Variants in FAT2 observed in about 807,000 individuals in gnomAD.
The protein encoded by FAT2 is protocadherin Fat 2.
A neutral mutation model predicts 295.3 loss-of-function variants in FAT2; 150 were observed. That is an observed-to-expected ratio of 0.51 (90% CI 0.44 to 0.58). The LOEUF (loss-of-function observed/expected upper bound fraction) is 0.58. Ranked by LOEUF, FAT2 falls within the 20% of genes least tolerant of loss-of-function variation. FAT2 has a pLI of 0.00. For synonymous variants in FAT2, 2,026 were observed against 2,150.3 expected (o/e 0.94, Z 1.60); for missense variants, 4,868 against 5,442.7 (o/e 0.89, Z 3.32).
chr5:151,504,917 G>A lies in FAT2; in HGVS notation c.*648C>T, dbSNP rs997775141. 6.5e-6 allele frequency: 1 copy of A among 152,750 alleles called. No homozygotes were observed. Among genetic ancestry groups the A allele is most frequent in the Non-Finnish European group, 1.5e-5 (1 of 68,364 alleles). 9.5% of individuals were successfully genotyped at this position (152,750 alleles called of 1,614,324 possible). On this transcript the variant is annotated 3_prime_UTR_variant, in exon 24 of 24. Coordinates refer to ENST00000261800, the MANE Select transcript of FAT2 (RefSeq NM_001447.3). ...GACCTCTGGGGCCCGAGGCCTGGTG[G>A]TGCTCCTCGGAGTCCTTGTTGCCCT...
Position 151,556,149 on chromosome 5 carries a change from C to T in FAT2, c.3633+195G>A. ...CAATGGTGCCTACCCAGCCTGGGCA[C>T]AGTTTCAGACTCCTTCCCTTCTCAG... On this transcript the variant is annotated intron_variant, in intron 4 of 23. Transcript: ENST00000261800. The T allele has an allele frequency of 5.0e-6, 3 of 596,456 alleles. No homozygotes were observed. The South Asian group carries it at 5.8e-5, about 12-fold the overall frequency. 36.9% of individuals were successfully genotyped at this position (596,456 alleles called of 1,614,324 possible).
chr5:151,584,678 G>A (rs573254619), intron 1 of FAT2, among the ~76,000 whole-genome samples: 1 of 152,274 alleles, frequency 6.6e-6, no homozygotes, highest in South Asian at 2.1e-4. Flanking sequence ...ACCCACAAAG[G>A]CAGGTACTAT....
chr5:151,543,939 G>T lies in FAT2; in HGVS notation c.7188C>A (p.His2396Gln), dbSNP rs1452588997. The change falls in exon 10 of 24, where the codon CAC becomes CAA. Residue 2396 changes from histidine to glutamine, a missense_variant. This residue lies in a region of FAT2 where 3,297 missense variants were observed against 3,669.4 expected (regional missense o/e 0.90). Transcript: ENST00000261800. ...CAATAGCCTGGACTTTAAGAACCAG[G>T]TGTCCACAGGTTGCCAGTTCACTGA... ...ANVSELATCGHLVLKVQAIDP... is the reference protein window; with the variant it reads ...ANVSELATCGQLVLKVQAIDP... 1.2e-6 allele frequency: 2 copies of T among 1,614,054 alleles called. No individual in the cohort carries two copies. The highest frequency in any genetic ancestry group is 1.7e-6 in the Non-Finnish European group (2 of 1,180,048).
At chr5:151,548,148 A>T (rs781776485) in intron 9 of FAT2, among the ~76,000 whole-genome samples, 3 of 152,184 alleles carry the variant, frequency 2.0e-5, no homozygotes, top group Admixed American at 6.5e-5. Flanking sequence ...CAAAAAGAAA[A>T]GGTAAAGCTA....
intron 3 of FAT2, among the ~76,000 whole-genome samples, chr5:151,562,615 G>T (rs897318157): frequency 1.3e-5 from 2 of 152,176 alleles, no homozygotes; most frequent in Non-Finnish European, 1.5e-5. Context: ...AGACAATGTG[G>T]CCAGATCCTT....
rs2127606233 is a variant in FAT2, at chr5:151,542,838, G to A, written c.8289C>T (p.Tyr2763=). ...KPMDHESTKL[Y]QIDVMAHCLQ... is the part of the protein sequence containing the mutation. The stretch of plus-strand genomic sequence containing the variant: ...GGCAATGTGCCATCACATCAATCTG[G>A]TACAATTTGGTGGATTCGTGGTCCA... Residue 2763 remains tyrosine (Y), a synonymous_variant, in exon 10 of 24, where the codon TAC becomes TAT. Coordinates refer to ENST00000261800, the MANE Select transcript of FAT2 (RefSeq NM_001447.3). 2 of 1,614,184 alleles carry A rather than the reference G, an allele frequency of 1.2e-6. No individual in the cohort carries two copies. The highest frequency in any genetic ancestry group is 1.3e-5 in the African/African-American group (1 of 75,058).
intron 1 of FAT2, among the ~76,000 whole-genome samples, chr5:151,573,703 T>C (rs1055402037): frequency 2.0e-5 from 3 of 152,182 alleles, no homozygotes; most frequent in African/African-American, 7.2e-5. Flanking sequence ...CCGTCATCCC[T>C]GATCTATGCT....
At position 151,504,281 on chromosome 5, in the gene FAT2, C is replaced by T. The variant is rs1760678014; in HGVS notation, c.*1284G>A. 6.6e-6 allele frequency: 1 copy of T among 151,720 alleles called. No homozygotes were observed. Among genetic ancestry groups the T allele is most frequent in the African/African-American group, 2.4e-5 (1 of 41,280 alleles). 9.4% of individuals were successfully genotyped at this position (151,720 alleles called of 1,614,324 possible). The stretch of plus-strand genomic sequence containing the variant: ...GCTCCACTGCTCTTCCTTTTGACTT[C>T]TGTCTCCAGAAACAACACATATGAA... On this transcript the variant is annotated 3_prime_UTR_variant, in exon 24 of 24. Transcript: ENST00000261800.
At chr5:151,592,574 G>A (rs1351663020), upstream of FAT2, among the ~76,000 whole-genome samples, 1 of 152,204 alleles carries the variant, frequency 6.6e-6, no homozygotes. Context: ...ATGTTCAGCT[G>A]AGCAGCAACT....
Position 151,563,474 on chromosome 5 carries a change from A to C in FAT2, c.3425T>G (p.Phe1142Cys). 2 of 1,614,218 alleles carry C rather than the reference A, an allele frequency of 1.2e-6. No individual in the cohort carries two copies. Among genetic ancestry groups the C allele is most frequent in the Non-Finnish European group, 1.7e-6 (2 of 1,180,046 alleles). Residue 1142 changes from phenylalanine (F) to cysteine (C), a missense_variant, in exon 3 of 24, where the codon TTC becomes TGC. Physicochemically the swap from Phe to Cys is radical, Grantham distance 205 (BLOSUM62 -2). This residue lies in a region of FAT2 where 3,297 missense variants were observed against 3,669.4 expected (regional missense o/e 0.90). Coordinates refer to ENST00000261800, the MANE Select transcript of FAT2 (RefSeq NM_001447.3). ...AGCATCCTCCTGGATGGAGGGGTAG[A>C]ACACAGCTTGGGACATCTGGGGTGG... The part of the protein sequence containing the change: ...DNPPQMSQAV[F>C]YPSIQEDAPV...
chr5:151,556,274 C>T (rs775413479), intron 4 of FAT2, 70 bp downstream of exon 4: 6 of 1,278,156 alleles, frequency 4.7e-6, no homozygotes, highest in South Asian at 1.2e-5. Flanking sequence ...CAGTGCTAGA[C>T]ATGCACGTGG....
At position 151,543,537 on chromosome 5, in the gene FAT2, G is replaced by A. The variant is rs763780653; in HGVS notation, c.7590C>T (p.Ser2530=). 6.2e-7 allele frequency: 1 copy of A among 1,614,146 alleles called. No homozygotes were observed. Among genetic ancestry groups the A allele is most frequent in the Non-Finnish European group, 8.5e-7 (1 of 1,180,018 alleles). ...IINKLASEKF[S]INPNGQIATL... The stretch of plus-strand genomic sequence containing the variant: ...TGGCAATCTGGCCATTGGGGTTTAT[G>A]GAGAACTTCTCACTTGCTAGTTTAT... Residue 2530 remains serine (S), a synonymous_variant, in exon 10 of 24, where the codon TCC becomes TCT. Transcript: ENST00000261800.
intron 9 of FAT2, among the ~76,000 whole-genome samples, chr5:151,547,198 G>A (rs999254364): frequency 6.6e-5 from 10 of 152,216 alleles, no homozygotes; most frequent in South Asian, 6.2e-4. Context: ...AAAAAATACC[G>A]TATTAAAATT....
At chr5:151,516,416 TGA>T (rs1752870065) in intron 20 of FAT2, among the ~76,000 whole-genome samples, 1 of 152,106 alleles carries the variant, frequency 6.6e-6, no homozygotes, top group Non-Finnish European at 1.5e-5. Context: ...CTCCAGAGAC[TGA>T]GACACAAGAA....
Position 151,525,797 on chromosome 5 carries a change from C to T in FAT2, c.10477G>A (p.Ala3493Thr), listed in dbSNP as rs2127584003. 2 of 1,614,182 alleles carry T rather than the reference C, an allele frequency of 1.2e-6. No individual in the cohort carries two copies. The highest frequency in any genetic ancestry group is 1.7e-6 in the Non-Finnish European group (2 of 1,180,042). The change falls in exon 18 of 24, where the codon GCT becomes ACT. Residue 3493 changes from alanine (A) to threonine (T), a missense_variant. This residue lies in a region of FAT2 where 1,046 missense variants were observed against 1,210.1 expected (regional missense o/e 0.86). Coordinates refer to ENST00000261800, the MANE Select transcript of FAT2 (RefSeq NM_001447.3). ...LVTAEGLSRR[A>T]QEWYQLQIQA... ...ATCTGAAGCTGATACCATTCCTGAG[C>T]CCTCCTGCTTAGGCCCTCAGCAGTC...
At position 151,517,605 on chromosome 5, in the gene FAT2, C is replaced by T. The variant is rs539323034; in HGVS notation, c.11463+15G>A. On this transcript the variant is annotated intron_variant, in intron 20 of 23. Coordinates refer to ENST00000261800, the MANE Select transcript of FAT2 (RefSeq NM_001447.3). Reference sequence around the variant, plus strand: ...GGACACCCACATGAAATCTCTCAGGCTGGCAGTGCCTTACCTTCAGGGAGA... The same window carrying T: ...GGACACCCACATGAAATCTCTCAGGTTGGCAGTGCCTTACCTTCAGGGAGA... The T allele has an allele frequency of 1.2e-6, 2 of 1,613,668 alleles. No individual in the cohort carries two copies. Among genetic ancestry groups the T allele is most frequent in the Non-Finnish European group, 8.5e-7 (1 of 1,179,972 alleles).
intron 20 of FAT2, among the ~76,000 whole-genome samples, chr5:151,513,810 T>C (rs1368612008): frequency 6.6e-6 from 1 of 152,240 alleles, no homozygotes; most frequent in Non-Finnish European, 1.5e-5. Context: ...GAGTTTATTA[T>C]TTCTAAATAA....
chr5:151,557,169 C>T (rs148670542), intron 3 of FAT2, among the ~76,000 whole-genome samples: 33 of 152,262 alleles, frequency 2.2e-4, no homozygotes, highest in African/African-American at 5.5e-4. Context: ...TTTGGTTCCT[C>T]GTCACTAAAA....
In FAT2 at chr5:151,546,027, A is replaced by G. The variant is rs1358240593; in HGVS notation, c.5100T>C (p.Asp1700=). Residue 1700 remains aspartate, a synonymous_variant, in exon 10 of 24, where the codon GAT becomes GAC. Transcript: ENST00000261800. ...VTYELREGNK[D]GVFSMNSYSG... is the part of the protein sequence containing the mutation. ...AATATGAGTTCATAGAGAAGACTCCATCCTTATTTCCCTCTCTTAACTCAT... is the reference window on the plus strand; with the variant it reads ...AATATGAGTTCATAGAGAAGACTCCGTCCTTATTTCCCTCTCTTAACTCAT... 6.2e-7 allele frequency: 1 copy of G among 1,614,196 alleles called. No individual in the cohort carries two copies. Among genetic ancestry groups the G allele is most frequent in the Admixed American group, 1.7e-5 (1 of 60,036 alleles).
Sources: gnomAD v4.1 joint callset for allele counts (sites outside exome capture counted in the v4.1 genomes callset) on GRCh38, gnomAD v4.1.1 for gene constraint, gnomAD v4.1.1 regional missense constraint, MANE v1.5 for transcripts, NCBI Gene and HGNC (gene_info 2026-07-23, HGNC 2026-07-21) for gene names.